Variants in AOPEP observed in about 807,000 individuals in gnomAD.
AOPEP encodes aminopeptidase O (putative).
AOPEP carries 77 observed loss-of-function variants against 98.1 expected under a neutral mutation model. The ratio of observed to expected loss-of-function variants is 0.78; its 90% CI spans 0.65 to 0.95. The LOEUF (loss-of-function observed/expected upper bound fraction) is 0.95. AOPEP is among the 40% of genes least tolerant of loss of function. The pLI, the probability that AOPEP is intolerant of heterozygous loss-of-function variation, is 0.00. For synonymous variants in AOPEP, 346 were observed against 365.3 expected (o/e 0.95, Z 0.60); for missense variants, 1,024 against 1,024.7 (o/e 1.00, Z 0.01).
the AOPEP span, chr9:95,111,163 C>G: frequency 6.5e-7 from 1 of 1,535,644 alleles, no homozygotes; most frequent in Non-Finnish European, 8.7e-7. Flanking sequence ...GGACGCGACC[C>G]TGGGGCAGAT....
At chr9:95,041,446 GGTGTGTGT>G (rs57837059) in intron 13 of AOPEP, among the ~76,000 whole-genome samples, 1 of 142,012 alleles carries the variant, frequency 7.0e-6, no homozygotes, top group African/African-American at 2.6e-5. Context: ...AGTCCTTGGG[GGTGTGTGT>G]GTGTGTGTGT....
intron 1 of AOPEP, among the ~76,000 whole-genome samples, chr9:94,755,466 G>A (rs1210741785): frequency 6.6e-6 from 1 of 152,210 alleles, no homozygotes; most frequent in Non-Finnish European, 1.5e-5. Flanking sequence ...AGACAAGTAA[G>A]ACATAGACAA....
chr9:95,045,190 A>C (rs1007202872), intron 13 of AOPEP, among the ~76,000 whole-genome samples: 1 of 152,208 alleles, frequency 6.6e-6, no homozygotes, highest in Non-Finnish European at 1.5e-5. Context: ...GCGTCTGCGA[A>C]ATCACTGTGC....
intron 5 of AOPEP, among the ~76,000 whole-genome samples, chr9:94,837,424 A>G (rs2041747023): frequency 6.6e-6 from 1 of 152,206 alleles, no homozygotes; most frequent in Admixed American, 6.5e-5. Context: ...TATCACCCTA[A>G]TACCAAAACC....
chr9:95,080,600 G>A, intron 14 of AOPEP, 94 bp from the exon 15 acceptor site: 1 of 802,516 alleles, frequency 1.2e-6, no homozygotes. Context: ...TGAGAGCACA[G>A]CTTTCCGGAA....
chr9:94,852,630 T>TC (rs2043692473), intron 5 of AOPEP, among the ~76,000 whole-genome samples: 1 of 152,102 alleles, frequency 6.6e-6, no homozygotes, highest in Non-Finnish European at 1.5e-5. Context: ...CACTGGGGGA[T>TC]CCCCCCACCA....
chr9:95,062,733 G>A (rs934943871), intron 14 of AOPEP, among the ~76,000 whole-genome samples: 2 of 152,158 alleles, frequency 1.3e-5, no homozygotes, highest in African/African-American at 4.8e-5. Flanking sequence ...AGTCTGCTGC[G>A]GCTGCTTGCC....
intron 1 of AOPEP, among the ~76,000 whole-genome samples, chr9:94,736,045 G>A (rs1265644758): frequency 6.6e-6 from 1 of 152,208 alleles, no homozygotes; most frequent in African/African-American, 2.4e-5. Flanking sequence ...TGTGTGGATG[G>A]ACATTTTGTT....
chr9:94,974,556 C>T (rs1194377613), intron 10 of AOPEP, among the ~76,000 whole-genome samples: 2 of 152,240 alleles, frequency 1.3e-5, no homozygotes, highest in Non-Finnish European at 1.5e-5. Flanking sequence ...CTGACGAGCT[C>T]TCCTGCTCCC....
chr9:94,900,228 A>G (rs2033730071), intron 5 of AOPEP, among the ~76,000 whole-genome samples: 1 of 152,200 alleles, frequency 6.6e-6, no homozygotes, highest in African/African-American at 2.4e-5. Context: ...GGTAAAAGGA[A>G]GTGGTAAAAG....
intron 16 of AOPEP, among the ~76,000 whole-genome samples, chr9:95,084,304 A>G (rs1262869116): frequency 6.6e-6 from 1 of 152,220 alleles, no homozygotes; most frequent in Non-Finnish European, 1.5e-5. Context: ...AAAGAACTCT[A>G]ATAATGAAAA....
intron 7 of AOPEP, among the ~76,000 whole-genome samples, chr9:94,953,337 A>G (rs2058239674): frequency 6.6e-6 from 1 of 152,142 alleles, no homozygotes. Flanking sequence ...GAAAAATGAA[A>G]AGTATGCAGT....
chr9:95,100,787 C>T, the AOPEP span: 11 of 225,664 alleles, frequency 4.9e-5, no homozygotes, highest in Non-Finnish European at 7.1e-5. Flanking sequence ...CATGCCATTG[C>T]ACCCCGATAA....
the AOPEP span, among the ~76,000 whole-genome samples, chr9:95,136,918 A>G: frequency 6.6e-6 from 1 of 152,180 alleles, no homozygotes; most frequent in Admixed American, 6.5e-5. Flanking sequence ...CTGAGCCCCA[A>G]CTGCTGGCTC....
At chr9:94,968,731 G>A (rs566664171) in intron 10 of AOPEP, among the ~76,000 whole-genome samples, 1 of 152,314 alleles carries the variant, frequency 6.6e-6, no homozygotes, top group Non-Finnish European at 1.5e-5. Context: ...GGGTTTTAGA[G>A]AGGATTAAAG....
At chr9:94,802,149 A>G (rs971872158) in intron 5 of AOPEP, among the ~76,000 whole-genome samples, 5 of 152,090 alleles carry the variant, frequency 3.3e-5, no homozygotes, top group African/African-American at 1.2e-4. Flanking sequence ...TTGGATGTCT[A>G]TATATAGAAT....
chr9:94,874,563 G>A (rs1349269001), intron 5 of AOPEP, among the ~76,000 whole-genome samples: 4 of 152,156 alleles, frequency 2.6e-5, no homozygotes, highest in African/African-American at 9.7e-5. Flanking sequence ...CCTAAGGTAT[G>A]CGGATGCTTT....
At chr9:94,891,843 T>C (rs150863931) in intron 5 of AOPEP, among the ~76,000 whole-genome samples, 1 of 152,356 alleles carries the variant, frequency 6.6e-6, no homozygotes, top group Non-Finnish European at 1.5e-5. Context: ...TCTTCTGTTA[T>C]TATTTCCTTT....
chr9:95,065,361 C>G (rs2067771379), intron 14 of AOPEP: 1 of 152,286 alleles, frequency 6.6e-6, no homozygotes, highest in Admixed American at 6.5e-5. Flanking sequence ...CACCACGGTG[C>G]TGGCACCAGG....
Sources: allele counts gnomAD v4.1 joint callset (sites outside exome capture counted in the v4.1 genomes callset), GRCh38; gene constraint gnomAD v4.1.1; transcripts MANE v1.5; gene names NCBI Gene and HGNC (gene_info 2026-07-23, HGNC 2026-07-21).